The following SLIT2 variants were observed in gnomAD, a reference collection of about 807,000 sequenced individuals.
The protein encoded by SLIT2 is slit homolog 2 protein.
In SLIT2, 41 loss-of-function variants were observed where a neutral mutation model predicts 185.7. The observed-to-expected ratio is 0.22, with a 90% CI of 0.17 to 0.29. The LOEUF (loss-of-function observed/expected upper bound fraction) is 0.29. SLIT2 is among the 10% of genes least tolerant of loss of function. The pLI is 1.00. For synonymous variants in SLIT2, 693 were observed against 680.2 expected (o/e 1.02, Z -0.29); for missense variants, 1,571 against 1,909.0 (o/e 0.82, Z 3.30).
In SLIT2 at chr4:20,596,568, A is replaced by C. The variant is rs778453555; in HGVS notation, c.3474A>C (p.Lys1158Asn). 5 of 1,613,920 alleles carry C rather than the reference A, an allele frequency of 3.1e-6. No individual in the cohort carries two copies. The highest frequency in any genetic ancestry group is 4.2e-6 in the Non-Finnish European group (5 of 1,179,974). The change falls in exon 32 of 37, where the codon AAA becomes AAC. Residue 1158 changes from lysine (K) to asparagine (N), a missense_variant. By Grantham distance (94) the Lys-to-Asn change is moderately conservative. Coordinates refer to ENST00000504154, the MANE Select transcript of SLIT2 (RefSeq NM_004787.4). ...LPGYQGEKCE[K>N]LVSVNFINKE... ...GCTATCAGGGAGAAAAGTGTGAAAA[A>C]TTGGTTAGTGTGAATTTTATAAACA...
At position 20,324,669 on chromosome 4, in the gene SLIT2, G is replaced by A. The variant is rs575000131; in HGVS notation, c.395+55788G>A. ...ACAGAATAACTATGTGATGTAGTTC[G>A]TGCTTTTGTTAACTAGCTAAATTTA... On this transcript the variant is annotated intron_variant, in intron 4 of 36. Transcript: ENST00000504154. Among the ~76,000 whole-genome samples, 76 of 152,212 alleles carry A rather than the reference G, an allele frequency of 5.0e-4. No individual in the cohort carries two copies. In the South Asian group the frequency reaches 0.014, roughly 29 times the overall value.
chr4:20,462,706 A>G (rs563687452), intron 4 of SLIT2, among the ~76,000 whole-genome samples: 1 of 152,218 alleles, frequency 6.6e-6, no homozygotes, highest in Middle Eastern at 3.4e-3. Context: ...ATCAACCCCA[A>G]TCAAGCTATT....
In SLIT2 at chr4:20,619,319, C is replaced by T. The variant is rs572254824; in HGVS notation, c.*310C>T. 4.7e-5 allele frequency: 11 copies of T among 235,478 alleles called. No individual in the cohort carries two copies. Among genetic ancestry groups the T allele is most frequent in the African/African-American group, 2.3e-4 (10 of 44,136 alleles). The allele number at this position is 235,478 out of a possible 1,614,324, so 14.6% of individuals were successfully genotyped here. Reference sequence around the variant, plus strand: ...CTGAAGACAAGCAGAAGCACATGCACGAGGGACAGAGGAGCTACTGTGCAC... The same window carrying T: ...CTGAAGACAAGCAGAAGCACATGCATGAGGGACAGAGGAGCTACTGTGCAC... On this transcript the variant is annotated 3_prime_UTR_variant, in exon 37 of 37. Transcript: ENST00000504154.
intron 4 of SLIT2, among the ~76,000 whole-genome samples, chr4:20,421,647 A>G (rs1484471672): frequency 1.3e-5 from 2 of 152,152 alleles, no homozygotes; most frequent in Admixed American, 6.5e-5. Context: ...CCCAGCCCCC[A>G]AAAGATTAAG....
chr4:20,347,471 T>G (rs1189187758), intron 4 of SLIT2, among the ~76,000 whole-genome samples: 1 of 152,236 alleles, frequency 6.6e-6, no homozygotes, highest in South Asian at 2.1e-4. Flanking sequence ...TTATTTACCT[T>G]ACTTATTCCT....
chr4:20,262,187 T>C (rs1454815495), intron 3 of SLIT2, among the ~76,000 whole-genome samples: 2 of 151,878 alleles, frequency 1.3e-5, no homozygotes, highest in Admixed American at 6.6e-5. Context: ...AAACACTACA[T>C]TCTAATGAGA....
intron 4 of SLIT2, among the ~76,000 whole-genome samples, chr4:20,443,486 G>A (rs1399632701): frequency 1.3e-5 from 2 of 150,236 alleles, no homozygotes; most frequent in Non-Finnish European, 2.9e-5. Context: ...TTTAGCTCAG[G>A]GCACTTGGGT....
chr4:20,269,565 A>G (rs139786865), intron 4 of SLIT2, among the ~76,000 whole-genome samples: 2 of 152,142 alleles, frequency 1.3e-5, no homozygotes, highest in East Asian at 3.9e-4. Context: ...GAAAGCATTT[A>G]AAATGAGATT....
intron 4 of SLIT2, among the ~76,000 whole-genome samples, chr4:20,398,204 G>A (rs1301442276): frequency 1.3e-5 from 2 of 151,762 alleles, no homozygotes; most frequent in Non-Finnish European, 2.9e-5. Context: ...CCAAGAGAGG[G>A]CATAGAAAAA....
At chr4:20,293,242 C>T (rs1716140959) in intron 4 of SLIT2, among the ~76,000 whole-genome samples, 1 of 152,118 alleles carries the variant, frequency 6.6e-6, no homozygotes, top group Non-Finnish European at 1.5e-5. Flanking sequence ...ATTTGATAGG[C>T]AGGGGTGATG....
chr4:20,377,500 A>G (rs1239684247), intron 4 of SLIT2, among the ~76,000 whole-genome samples: 3 of 152,166 alleles, frequency 2.0e-5, no homozygotes, highest in African/African-American at 4.8e-5. Flanking sequence ...GTAGGGATCC[A>G]TAGAAGACAA....
intron 3 of SLIT2, among the ~76,000 whole-genome samples, chr4:20,259,382 T>A (rs1295682474): frequency 2.0e-5 from 3 of 151,786 alleles, no homozygotes; most frequent in African/African-American, 7.2e-5. Context: ...ATAATTTAAA[T>A]TATCATTTAA....
rs954176077 is a variant in SLIT2, at chr4:20,487,474, T to C, written c.611+1203T>C. Among the ~76,000 whole-genome samples the C allele has an allele frequency of 6.6e-5, 10 of 152,334 alleles. 1 individual carries two copies. Among genetic ancestry groups the C allele is most frequent in the Admixed American group, 2.6e-4 (4 of 15,306 alleles). On this transcript the variant is annotated intron_variant, in intron 7 of 36. Coordinates refer to ENST00000504154, the MANE Select transcript of SLIT2 (RefSeq NM_004787.4). The stretch of plus-strand genomic sequence containing the variant: ...TTTTTGACAGTGTCCCTTATTTTCT[T>C]GTAGAAATTCGTGAGTTTGTCTTAC...
chr4:20,415,306 G>T (rs1727567900), intron 4 of SLIT2, among the ~76,000 whole-genome samples: 1 of 151,162 alleles, frequency 6.6e-6, no homozygotes, highest in African/African-American at 2.4e-5. Context: ...AGCTACTCAG[G>T]AGGCTGAGGC....
chr4:20,426,485 C>T (rs1235676769), intron 4 of SLIT2, among the ~76,000 whole-genome samples: 1 of 152,140 alleles, frequency 6.6e-6, no homozygotes, highest in African/African-American at 2.4e-5. Context: ...TATCCAATCA[C>T]AGATGACCTG....
At chr4:20,403,923 A>G (rs936001831) in intron 4 of SLIT2, among the ~76,000 whole-genome samples, 2 of 151,826 alleles carry the variant, frequency 1.3e-5, no homozygotes, top group African/African-American at 2.4e-5. Context: ...ACAAAAGCAA[A>G]CACCCATAAG....
At chr4:20,345,537 C>CTTTTTT (rs149402460) in intron 4 of SLIT2, among the ~76,000 whole-genome samples, 3 of 112,314 alleles carry the variant, frequency 2.7e-5, no homozygotes, top group East Asian at 2.5e-4. Flanking sequence ...TTCCTTTTTT[C>CTTTTTT]TTTTTTCTTT....
chr4:20,349,071 G>A (rs1721661257), intron 4 of SLIT2, among the ~76,000 whole-genome samples: 1 of 152,168 alleles, frequency 6.6e-6, no homozygotes. Flanking sequence ...CAAAGAGAAA[G>A]TGAAGATGTT....
intron 4 of SLIT2, among the ~76,000 whole-genome samples, chr4:20,346,054 T>A (rs981894072): frequency 6.6e-6 from 1 of 152,138 alleles, no homozygotes; most frequent in Non-Finnish European, 1.5e-5. Context: ...AGTGCAGCGG[T>A]ATGACCATGG....
Sources: allele counts gnomAD v4.1 joint callset (sites outside exome capture counted in the v4.1 genomes callset), GRCh38; gene constraint gnomAD v4.1.1; transcripts MANE v1.5; gene names NCBI Gene and HGNC (gene_info 2026-07-23, HGNC 2026-07-21).